Variants in ZNF362 observed in about 807,000 individuals in gnomAD.
ZNF362 encodes zinc finger protein 362, also known as rotund homolog.
ZNF362 carries 11 observed loss-of-function variants against 42.9 expected under a neutral mutation model. The ratio of observed to expected loss-of-function variants is 0.26; its 90% CI spans 0.16 to 0.42. ZNF362 has a LOEUF of 0.42. Among genes scored for constraint, ZNF362 ranks in the 20% least tolerant of loss-of-function variants. The pLI, the probability that ZNF362 is intolerant of heterozygous loss-of-function variation, is 1.00. For missense variants in ZNF362, 362 were observed against 576.2 expected, an observed-to-expected ratio of 0.63 and a Z score of 3.81; for synonymous variants, 255 against 257.3, an observed-to-expected ratio of 0.99 and a Z score of 0.09.
chr1:33,161,137 GTGT>G, the ZNF362 span, among the ~76,000 whole-genome samples: 3 of 152,204 alleles, frequency 2.0e-5, 1 homozygote, highest in Non-Finnish European at 2.9e-5. This position sits in a 1 kb window ranked among gnomAD's most constrained non-coding sequence, Gnocchi z 4.3. Flanking sequence ...AAATGAGGGG[GTGT>G]TGTTGTGCGC....
At chr1:33,159,912 G>A in the ZNF362 span, 28 of 1,607,704 alleles carry the variant, frequency 1.7e-5, no homozygotes, top group East Asian at 3.8e-4. This position sits in a 1 kb window ranked among gnomAD's most constrained non-coding sequence, Gnocchi z 4.2. Flanking sequence ...CGAAGGCCTC[G>A]CCGATAGTGG....
the ZNF362 span, among the ~76,000 whole-genome samples, chr1:33,186,163 C>T: frequency 6.6e-6 from 1 of 152,136 alleles, no homozygotes; most frequent in Non-Finnish European, 1.5e-5. Context: ...TTGACTTACC[C>T]ACACATATGT....
the ZNF362 span, among the ~76,000 whole-genome samples, chr1:33,138,428 G>A: frequency 1.3e-5 from 2 of 152,178 alleles, no homozygotes; most frequent in Non-Finnish European, 2.9e-5. Context: ...TTAAGAAGCT[G>A]AGTGGAGAGG....
the ZNF362 span, among the ~76,000 whole-genome samples, chr1:33,220,528 C>G: frequency 6.6e-6 from 1 of 152,096 alleles, no homozygotes; most frequent in Admixed American, 6.6e-5. Context: ...CACCCCCCTA[C>G]AGTCATGTTG....
the ZNF362 span, among the ~76,000 whole-genome samples, chr1:33,232,068 C>T: frequency 1.3e-5 from 2 of 152,060 alleles, no homozygotes; most frequent in African/African-American, 4.8e-5. Flanking sequence ...TGAGGCCAAG[C>T]ACTCAGAGGA....
rs184532736 is a variant in ZNF362 at position 33,281,743 on chromosome 1, C to T, written c.840C>T (p.Val280=). The T allele has an allele frequency of 9.3e-6, 15 of 1,614,280 alleles. No individual in the cohort carries two copies. The highest frequency in any genetic ancestry group is 1.6e-4 in the Middle Eastern group (1 of 6,062). The stretch of plus-strand genomic sequence containing the variant: ...AGCACCTGCGCATCCACCTGGGCGT[C>T]AAGCCCTACCACTGCTCCTACTGTG... ...LAQHLRIHLG[V]KPYHCSYCDK... Residue 280 remains valine, a synonymous_variant, in exon 6 of 9, where the codon GTC becomes GTT. Transcript: ENST00000539719. The surrounding 1 kb of genome is among the most constrained non-coding windows in gnomAD (Gnocchi z 4.8).
chr1:33,182,036 C>T, the ZNF362 span: 1 of 152,544 alleles, frequency 6.6e-6, no homozygotes, highest in African/African-American at 2.4e-5. Flanking sequence ...AGCGCAGCCT[C>T]TCAACCCGGA....
chr1:33,202,666 G>A, the ZNF362 span, among the ~76,000 whole-genome samples: 1 of 150,852 alleles, frequency 6.6e-6, no homozygotes, highest in South Asian at 2.1e-4. Flanking sequence ...ATTGGTTTAA[G>A]CATCCCAAAT....
chr1:33,175,644 C>G, the ZNF362 span, among the ~76,000 whole-genome samples: 2 of 152,194 alleles, frequency 1.3e-5, no homozygotes, highest in Non-Finnish European at 2.9e-5. Flanking sequence ...CACTTTGAAT[C>G]TCAGCTCTTC....
At chr1:33,261,523 T>C (rs1645827845) in intron 1 of ZNF362, 1 of 152,064 alleles carries the variant, frequency 6.6e-6, no homozygotes, top group Non-Finnish European at 1.5e-5. Context: ...TAAGAATGAA[T>C]AAATTGGTGC....
the ZNF362 span, among the ~76,000 whole-genome samples, chr1:33,201,994 T>G: frequency 2.6e-5 from 4 of 152,342 alleles, no homozygotes; most frequent in African/African-American, 9.6e-5. Context: ...AGCACCTTTG[T>G]GCCAAGAAGT....
intron 6 of ZNF362, among the ~76,000 whole-genome samples, chr1:33,284,893 C>T (rs1646021188): frequency 6.6e-6 from 1 of 152,154 alleles, no homozygotes; most frequent in Non-Finnish European, 1.5e-5. Context: ...CCTACCTTGG[C>T]CTCTGGCAGT....
At chr1:33,134,702 G>A in the ZNF362 span, among the ~76,000 whole-genome samples, 3 of 152,214 alleles carry the variant, frequency 2.0e-5, no homozygotes, top group African/African-American at 7.2e-5. Flanking sequence ...TTGGTGCTAG[G>A]AGTACATGCG....
intron 1 of ZNF362, among the ~76,000 whole-genome samples, chr1:33,267,767 A>AAC: frequency 6.6e-6 from 1 of 152,184 alleles, no homozygotes; most frequent in Non-Finnish European, 1.5e-5. Flanking sequence ...ACCTGTTTAA[A>AAC]ATTTCGGCTG....
the ZNF362 span, chr1:33,163,382 G>A: frequency 6.6e-6 from 1 of 151,836 alleles, no homozygotes; most frequent in Non-Finnish European, 1.5e-5. Flanking sequence ...ACTACTTATT[G>A]TGTGCCAGAC....
At chr1:33,168,081 A>G in the ZNF362 span, among the ~76,000 whole-genome samples, 173 of 152,154 alleles carry the variant, frequency 1.1e-3, 3 homozygotes, top group Middle Eastern at 6.8e-3. Flanking sequence ...GATGGAGGGG[A>G]CTTTAGGTAG....
chr1:33,233,274 T>G, the ZNF362 span, among the ~76,000 whole-genome samples: 2 of 152,246 alleles, frequency 1.3e-5, no homozygotes, highest in Non-Finnish European at 1.5e-5. Flanking sequence ...CAACTACAGT[T>G]CATTCTTTAG....
intron 6 of ZNF362, among the ~76,000 whole-genome samples, chr1:33,283,795 A>G (rs1646013526): frequency 6.6e-6 from 1 of 152,228 alleles, no homozygotes; most frequent in African/African-American, 2.4e-5. Flanking sequence ...CTCCCAAGGC[A>G]CAAGTCTGAC....
chr1:33,136,731 G>A, the ZNF362 span, among the ~76,000 whole-genome samples: 2 of 151,706 alleles, frequency 1.3e-5, no homozygotes, highest in African/African-American at 4.8e-5. Context: ...CGGGCACGGT[G>A]GCTCACGCCC....
Sources: allele counts gnomAD v4.1 joint callset (sites outside exome capture counted in the v4.1 genomes callset), GRCh38; gene constraint gnomAD v4.1.1; non-coding constraint Gnocchi (gnomAD v3.1); transcripts MANE v1.5; gene names NCBI Gene and HGNC (gene_info 2026-07-23, HGNC 2026-07-21).